The following LYG2 variants were observed in gnomAD, a reference collection of about 807,000 sequenced individuals.
The protein encoded by LYG2 is lysozyme g-like protein 2.
A neutral mutation model predicts 22.4 loss-of-function variants in LYG2; 25 were observed. The ratio of observed to expected loss-of-function variants is 1.12; its 90% CI spans 0.81 to 1.56. LYG2 has a LOEUF of 1.56. Among genes scored for constraint, LYG2 ranks in the 40% most tolerant of loss-of-function variants. The pLI is 0.00. For synonymous variants in LYG2, 88 were observed against 97.0 expected (o/e 0.91, Z 0.55); for missense variants, 266 against 269.5 (o/e 0.99, Z 0.09).
intron 6 of LYG2, chr2:99,243,617 C>A: frequency 5.3e-6 from 5 of 950,560 alleles, no homozygotes; most frequent in Non-Finnish European, 7.7e-6. Context: ...CTCACTGCAG[C>A]CTTAACCTCC....
At chr2:99,257,317 C>T (rs939435296), upstream of LYG2, among the ~76,000 whole-genome samples, 12 of 152,088 alleles carry the variant, frequency 7.9e-5, no homozygotes, top group South Asian at 2.1e-4. Context: ...GTAGTTAATA[C>T]GCACTGACCT....
upstream of LYG2, among the ~76,000 whole-genome samples, chr2:99,259,340 A>G (rs978879315): frequency 6.6e-6 from 1 of 152,148 alleles, no homozygotes; most frequent in Non-Finnish European, 1.5e-5. Context: ...AACTGGAAAC[A>G]CTCCAAAAAA....
At chr2:99,242,550 C>G in intron 6 of LYG2, 68 bp from the exon 7 acceptor site, 4 of 1,066,376 alleles carry the variant, frequency 3.8e-6, no homozygotes, top group Non-Finnish European at 4.2e-6. Context: ...TGAGCATTGC[C>G]AAGATGTTAG....
intron 4 of LYG2, 142 bp from the exon 5 acceptor site, chr2:99,245,600 C>G: frequency 2.6e-6 from 1 of 391,658 alleles, no homozygotes. Flanking sequence ...ATAGTGAGAG[C>G]CCATCTCTAA....
chr2:99,245,498 A>T (rs751978261), intron 4 of LYG2, 40 bp from the exon 5 acceptor site: 1 of 1,366,684 alleles, frequency 7.3e-7, no homozygotes, highest in Non-Finnish European at 1.0e-6. Flanking sequence ...CGGGCATGGT[A>T]GTGTGTGCCT....
upstream of LYG2, among the ~76,000 whole-genome samples, chr2:99,257,643 T>G (rs990456554): frequency 1.3e-5 from 2 of 152,186 alleles, no homozygotes; most frequent in African/African-American, 4.8e-5. Flanking sequence ...GCAAGCAATT[T>G]CTGTGCTATA....
At chr2:99,248,026 A>T (rs2094019348) in intron 3 of LYG2, among the ~76,000 whole-genome samples, 1 of 152,230 alleles carries the variant, frequency 6.6e-6, no homozygotes, top group Non-Finnish European at 1.5e-5. Context: ...TCAAAACCAC[A>T]ATGAGATACC....
At chr2:99,244,821 G>T (rs2094012748) in intron 5 of LYG2, among the ~76,000 whole-genome samples, 1 of 152,076 alleles carries the variant, frequency 6.6e-6, no homozygotes, top group African/African-American at 2.4e-5. Context: ...ATCAAATTAT[G>T]CTGGAGTGGC....
chr2:99,244,962 A>G (rs1266353270), intron 5 of LYG2, among the ~76,000 whole-genome samples: 1 of 152,000 alleles, frequency 6.6e-6, no homozygotes, highest in African/African-American at 2.4e-5. Flanking sequence ...AATACAAAAA[A>G]TTAGCTGGGC....
rs1463957399 is a variant in LYG2 at position 99,245,414 on chromosome 2, T to C, written c.229A>G (p.Ile77Val). 6.2e-7 allele frequency: 1 copy of C among 1,611,880 alleles called. No individual in the cohort carries two copies. The highest frequency in any genetic ancestry group is 8.5e-7 in the Non-Finnish European group (1 of 1,178,980). ...EMFAEMDLRA[I>V]KPYQTLIKEV... The stretch of plus-strand genomic sequence containing the variant: ...TTGATCAGAGTCTGGTAAGGTTTTA[T>C]GGCCCTCAAATCCATCTCAGCAAAC... Residue 77 changes from isoleucine (I) to valine (V), a missense_variant, in exon 5 of 7, where the codon ATA (isoleucine) becomes GTA (valine). Physicochemically the swap from Ile to Val is conservative, Grantham distance 29. Transcript: ENST00000333017.
At position 99,255,594 on chromosome 2, in the gene LYG2, G is replaced by C. The variant is rs1241567490; in HGVS notation, c.-144+9C>G. On this transcript the variant is annotated intron_variant, in intron 1 of 6. Coordinates refer to ENST00000333017, the MANE Select transcript of LYG2 (RefSeq NM_175735.4). ...ACTAGCAATTTTTATTCTTGGATTG[G>C]TTATTTACCTGAAATATTGGGTCTC... 6.6e-6 allele frequency among the ~76,000 whole-genome samples: 1 copy of C among 152,134 alleles called. No individual in the cohort carries two copies. The highest frequency in any genetic ancestry group is 1.5e-5 in the Non-Finnish European group (1 of 68,022).
rs140282833 is a variant in LYG2 at position 99,244,111 on chromosome 2, G to T, written c.408C>A (p.Val136=). Residue 136 remains valine, a synonymous_variant, in exon 6 of 7, where the codon GTC becomes GTA. Transcript: ENST00000333017. The part of the protein sequence containing the change: ...MQLDKQTYHP[V]GAWDSKEHLS... Reference sequence around the variant, plus strand: ...GGTGCTCTTTGCTATCCCAGGCACCGACAGGGTGGTACGTTTGTTTATCAA... The same window carrying T: ...GGTGCTCTTTGCTATCCCAGGCACCTACAGGGTGGTACGTTTGTTTATCAA... 2 of 1,613,866 alleles carry T rather than the reference G, an allele frequency of 1.2e-6. No homozygotes were observed. Among genetic ancestry groups the T allele is most frequent in the Non-Finnish European group, 1.7e-6 (2 of 1,179,950 alleles).
At chr2:99,244,179 A>G in intron 5 of LYG2, 42 bp from the exon 6 acceptor site, 1 of 1,587,770 alleles carries the variant, frequency 6.3e-7, no homozygotes, top group East Asian at 2.2e-5. Context: ...GGATGAGGTA[A>G]CACATTTTTT....
At chr2:99,244,812 T>C (rs1156290419) in intron 5 of LYG2, among the ~76,000 whole-genome samples, 5 of 152,088 alleles carry the variant, frequency 3.3e-5, no homozygotes, top group Non-Finnish European at 2.9e-5. Context: ...AAATCCCAGA[T>C]CAAATTATGC....
intron 3 of LYG2, among the ~76,000 whole-genome samples, chr2:99,253,661 T>C (rs566280515): frequency 6.6e-6 from 1 of 152,186 alleles, no homozygotes; most frequent in East Asian, 1.9e-4. Flanking sequence ...AGACTTTTCA[T>C]TCATTTCTGC....
upstream of LYG2, among the ~76,000 whole-genome samples, chr2:99,256,010 C>G (rs1344502309): frequency 6.6e-6 from 1 of 152,194 alleles, no homozygotes; most frequent in Non-Finnish European, 1.5e-5. Context: ...AGGAAGAAGT[C>G]TGGTCTGGGT....
chr2:99,254,112 C>T, intron 3 of LYG2, 106 bp downstream of exon 3: 1 of 975,284 alleles, frequency 1.0e-6, no homozygotes, highest in Non-Finnish European at 1.7e-6. Flanking sequence ...AGAATGAGAG[C>T]CCACTCTTCC....
At chr2:99,250,570 T>A (rs906396088) in intron 3 of LYG2, among the ~76,000 whole-genome samples, 2 of 152,140 alleles carry the variant, frequency 1.3e-5, no homozygotes, top group African/African-American at 4.8e-5. Flanking sequence ...GAGGCGGGGT[T>A]TCAGCATGTT....
upstream of LYG2, among the ~76,000 whole-genome samples, chr2:99,258,761 CAA>C (rs2094041356): frequency 1.3e-5 from 2 of 152,346 alleles, no homozygotes; most frequent in South Asian, 4.1e-4. Flanking sequence ...CAGGATATAT[CAA>C]TGTCAAGCTT....
Sources: gnomAD v4.1 joint callset for allele counts (sites outside exome capture counted in the v4.1 genomes callset) on GRCh38, gnomAD v4.1.1 for gene constraint, MANE v1.5 for transcripts, NCBI Gene and HGNC (gene_info 2026-07-23, HGNC 2026-07-21) for gene names.